MBOAT2: variants seen among roughly 807,000 people sequenced by gnomAD.
The protein encoded by MBOAT2 is membrane-bound glycerophospholipid O-acyltransferase 2.
Under a neutral mutation model 63.4 loss-of-function variants are expected in MBOAT2, and 28 were observed. The observed-to-expected ratio is 0.44, with a 90% CI of 0.33 to 0.61. MBOAT2 has a LOEUF of 0.61. Among genes scored for constraint, MBOAT2 ranks in the 20% least tolerant of loss-of-function variants. The probability of loss-of-function intolerance (pLI) is 0.03; values close to 1 mark genes in which losing one functional copy is unlikely to be tolerated. For missense variants in MBOAT2, 470 were observed against 605.8 expected (o/e 0.78, Z 2.35); for synonymous variants, 211 against 215.6 (o/e 0.98, Z 0.19).
intron 9 of MBOAT2, among the ~76,000 whole-genome samples, chr2:8,864,483 C>T (rs1291181018): frequency 6.6e-6 from 1 of 152,140 alleles, no homozygotes; most frequent in Non-Finnish European, 1.5e-5. Context: ...TTAACATTTA[C>T]AAGGGATGTC....
chr2:8,942,349 T>C (rs1374869361), intron 3 of MBOAT2, among the ~76,000 whole-genome samples: 2 of 152,224 alleles, frequency 1.3e-5, no homozygotes, highest in African/African-American at 2.4e-5. Flanking sequence ...TCATACATCA[T>C]AGCTCAGACA....
intron 5 of MBOAT2, among the ~76,000 whole-genome samples, chr2:8,887,317 G>T (rs914321363): frequency 6.6e-6 from 1 of 151,426 alleles, no homozygotes; most frequent in Non-Finnish European, 1.5e-5. Context: ...TAGCCAGAGG[G>T]GACAAGAGGA....
intron 4 of MBOAT2, among the ~76,000 whole-genome samples, chr2:8,907,901 G>T (rs1437349640): frequency 6.6e-6 from 1 of 151,642 alleles, no homozygotes; most frequent in South Asian, 2.1e-4. Flanking sequence ...TTTTTTCAGA[G>T]GTAACATGAT....
At chr2:8,996,593 G>A (rs1425258571) in intron 1 of MBOAT2, among the ~76,000 whole-genome samples, 2 of 152,136 alleles carry the variant, frequency 1.3e-5, no homozygotes, top group African/African-American at 2.4e-5. Context: ...GGCTGGCTGC[G>A]TCCTTCAACT....
chr2:8,877,728 G>C (rs1662798990), intron 6 of MBOAT2, among the ~76,000 whole-genome samples: 1 of 152,224 alleles, frequency 6.6e-6, no homozygotes, highest in African/African-American at 2.4e-5. Context: ...AGTCAGAGAA[G>C]GCCTCTCTGG....
At chr2:8,973,112 A>T (rs917295210) in intron 1 of MBOAT2, among the ~76,000 whole-genome samples, 3 of 152,200 alleles carry the variant, frequency 2.0e-5, no homozygotes, top group African/African-American at 4.8e-5. Flanking sequence ...AAGACTTGGA[A>T]CCAACCTAAA....
At chr2:8,898,410 T>C (rs1331469256) in intron 4 of MBOAT2, among the ~76,000 whole-genome samples, 1 of 152,222 alleles carries the variant, frequency 6.6e-6, no homozygotes, top group Non-Finnish European at 1.5e-5. Flanking sequence ...GATAAGCCAG[T>C]ACAGCCTGTA....
intron 4 of MBOAT2, among the ~76,000 whole-genome samples, chr2:8,895,996 G>C (rs967971822): frequency 1.3e-5 from 2 of 152,164 alleles, no homozygotes; most frequent in Non-Finnish European, 2.9e-5. Context: ...CCAGCACTTT[G>C]GGAGGCCGAG....
Position 8,944,255 on chromosome 2 carries a change from A to G in MBOAT2, c.222-991T>C, listed in dbSNP as rs151160166. 8.4e-3 allele frequency among the ~76,000 whole-genome samples: 1,281 copies of G among 152,322 alleles called. 11 individuals are homozygous for G. Among genetic ancestry groups the G allele is most frequent in the Non-Finnish European group, 0.014 (923 of 68,020 alleles). On this transcript the variant is annotated intron_variant, in intron 2 of 12. Transcript: ENST00000305997. The stretch of plus-strand genomic sequence containing the variant: ...TTTCACAAAATTCAGGCAAAACATG[A>G]TTAGGATGTCTGTGACTAAAATCAA...
intron 1 of MBOAT2, among the ~76,000 whole-genome samples, chr2:8,967,919 G>C (rs148662990): frequency 8.5e-5 from 13 of 152,162 alleles, no homozygotes; most frequent in Admixed American, 1.3e-4. Context: ...AAAAGCAATA[G>C]TAGGCAGTTC....
At chr2:8,939,714 C>T (rs1026504541) in intron 3 of MBOAT2, among the ~76,000 whole-genome samples, 9 of 152,226 alleles carry the variant, frequency 5.9e-5, no homozygotes, top group Non-Finnish European at 1.3e-4. Context: ...AGACACATGG[C>T]CAATCCTTTC....
intron 3 of MBOAT2, among the ~76,000 whole-genome samples, chr2:8,914,859 A>G (rs1371802051): frequency 1.3e-5 from 2 of 151,700 alleles, no homozygotes; most frequent in Admixed American, 1.3e-4. Context: ...ATTGGGTAAA[A>G]TGAAATGTTA....
At chr2:8,910,980 A>T (rs1240067695) in intron 3 of MBOAT2, among the ~76,000 whole-genome samples, 1 of 152,236 alleles carries the variant, frequency 6.6e-6, no homozygotes, top group Non-Finnish European at 1.5e-5. Flanking sequence ...GCCAAACACC[A>T]CACAGATGCA....
rs186467745 is a variant in MBOAT2, at chr2:8,853,683, C to T, written c.*4996G>A. 3 of 152,262 alleles carry T rather than the reference C, an allele frequency of 2.0e-5. No homozygotes were observed. The highest frequency in any genetic ancestry group is 1.3e-4 in the Admixed American group (2 of 15,292). The allele number at this position is 152,262 out of a possible 1,614,324, so 9.4% of individuals were successfully genotyped here. A position where few individuals can be genotyped will look rare whatever the true frequency, so the allele number is the denominator to read the frequency against. The stretch of plus-strand genomic sequence containing the variant: ...AACATGGCTGGAGATGGCTATGAAT[C>T]GCTGAGTAAGCTTCAGACAGCGGTT... On this transcript the variant is annotated 3_prime_UTR_variant, in exon 13 of 13. Coordinates refer to ENST00000305997, the MANE Select transcript of MBOAT2 (RefSeq NM_138799.4).
At chr2:8,888,656 A>C (rs1459006051) in intron 4 of MBOAT2, among the ~76,000 whole-genome samples, 1 of 150,174 alleles carries the variant, frequency 6.7e-6, no homozygotes, top group Non-Finnish European at 1.5e-5. Context: ...CTTAGAAAGG[A>C]AAAAACACAT....
intron 7 of MBOAT2, among the ~76,000 whole-genome samples, chr2:8,875,836 C>T (rs1308445504): frequency 6.6e-6 from 1 of 152,258 alleles, no homozygotes; most frequent in African/African-American, 2.4e-5. Flanking sequence ...TTTCTCAACA[C>T]TTAACCAGTA....
chr2:8,948,161 T>C (rs755958275), intron 2 of MBOAT2, among the ~76,000 whole-genome samples: 1 of 152,056 alleles, frequency 6.6e-6, no homozygotes, highest in African/African-American at 2.4e-5. Flanking sequence ...TGGTGGAAAA[T>C]AGCAAGAAAA....
chr2:8,961,756 G>C (rs1669617684), intron 1 of MBOAT2, among the ~76,000 whole-genome samples: 2 of 152,130 alleles, frequency 1.3e-5, no homozygotes, highest in Non-Finnish European at 2.9e-5. Context: ...GCAGGTATGA[G>C]TACACACCCC....
chr2:8,997,133 GC>G (rs1242492007), intron 1 of MBOAT2, among the ~76,000 whole-genome samples: 2 of 152,152 alleles, frequency 1.3e-5, no homozygotes, highest in African/African-American at 4.8e-5. Flanking sequence ...CCCATAGCAC[GC>G]ATAAAAATCA....
Sources: allele counts gnomAD v4.1 joint callset (sites outside exome capture counted in the v4.1 genomes callset), GRCh38; gene constraint gnomAD v4.1.1; transcripts MANE v1.5; gene names NCBI Gene and HGNC (gene_info 2026-07-23, HGNC 2026-07-21).